Variants in KCTD12 observed in about 807,000 individuals in gnomAD.
KCTD12 encodes the protein potassium channel tetramerization domain containing 12.
In KCTD12, 16 loss-of-function variants were observed where a neutral mutation model predicts 22.6. The ratio of observed to expected loss-of-function variants is 0.71; its 90% CI spans 0.48 to 1.07. The LOEUF is 1.07. KCTD12 is among the 50% of genes least tolerant of loss of function. KCTD12 has a pLI of 0.00. For missense variants in KCTD12, 452 were observed against 469.2 expected (o/e 0.96, Z 0.34); for synonymous variants, 260 against 228.0 (o/e 1.14, Z -1.26).
In KCTD12 at chr13:76,885,734, G is replaced by A. The variant is rs1459079801; in HGVS notation, c.415C>T (p.Pro139Ser). ...TGCACCCCGCGCCGCGAGGGCGGCG[G>A]CCCCGGGCCGGGCTGCTGGGGCGCC... Reference protein sequence around the residue: ...LGAPQQPGPGPPPSRRGVHKE... With the variant: ...LGAPQQPGPGSPPSRRGVHKE... Residue 139 changes from proline to serine, a missense_variant, in exon 1 of 1, where the codon CCG (proline) becomes TCG (serine). Physicochemically the swap from Pro to Ser is moderately conservative, Grantham distance 74. Around this residue, in one of 2 missense-constraint regions of KCTD12, gnomAD observed 330 missense variants for 296.5 expected, o/e 1.11. Coordinates refer to ENST00000377474, the MANE Select transcript of KCTD12 (RefSeq NM_138444.4). This position sits in a 1 kb window ranked among gnomAD's most constrained non-coding sequence, Gnocchi z 5.1. 8 of 1,420,878 alleles carry A rather than the reference G, an allele frequency of 5.6e-6. No homozygotes were observed. The highest frequency in any genetic ancestry group is 7.3e-6 in the Non-Finnish European group (8 of 1,101,078). The allele number at this position is 1,420,878 out of a possible 1,614,324, so 88.0% of individuals were successfully genotyped here.
At position 76,885,987 on chromosome 13, in the gene KCTD12, C is replaced by G. The variant is rs371800969; in HGVS notation, c.162G>C (p.Ser54=). ...TGCGCCAGAGCAGCGAGTCGGGCAC[C>G]GACACCACCGTGCAGCGCCGGGTCA... ...VYVTRRCTVV[S]VPDSLLWRMF... The change falls in exon 1 of 1, where the codon TCG becomes TCC. Residue 54 remains serine (S), a synonymous_variant. Transcript: ENST00000377474. This position sits in a 1 kb window ranked among gnomAD's most constrained non-coding sequence, Gnocchi z 5.1. The G allele has an allele frequency of 1.2e-4, 185 of 1,590,210 alleles. No individual in the cohort carries two copies. Among genetic ancestry groups the G allele is most frequent in the Admixed American group, 1.7e-4 (10 of 58,466 alleles).
At position 76,883,698 on chromosome 13, in the gene KCTD12, T is replaced by A. The variant is rs2033228595; in HGVS notation, c.*1473A>T. On this transcript the variant is annotated 3_prime_UTR_variant, in exon 1 of 1. Transcript: ENST00000377474. Reference sequence around the variant, plus strand: ...AGCTCGTCATTTGAAAGGATTCCACTTAACTTCAAACAAACTGCATGAAAG... The same window carrying A: ...AGCTCGTCATTTGAAAGGATTCCACATAACTTCAAACAAACTGCATGAAAG... 1 of 152,650 alleles carries A rather than the reference T, an allele frequency of 6.6e-6. No homozygotes were observed. Among genetic ancestry groups the A allele is most frequent in the Non-Finnish European group, 1.5e-5 (1 of 68,042 alleles). 9.5% of individuals were successfully genotyped at this position (152,650 alleles called of 1,614,324 possible). A position where few individuals can be genotyped will look rare whatever the true frequency, so the allele number is the denominator to read the frequency against.
rs747901027 is a variant in KCTD12 at position 76,885,614 on chromosome 13, G to T, written c.535C>A (p.Leu179Met). Residue 179 changes from leucine (L) to methionine (M), a missense_variant, in exon 1 of 1, where the codon CTG (leucine) becomes ATG (methionine). Physicochemically the swap from Leu to Met is conservative, Grantham distance 15. Transcript: ENST00000377474. This position sits in a 1 kb window ranked among gnomAD's most constrained non-coding sequence, Gnocchi z 5.1. ...GACGGACTGCGGCTAGCCAGCTCCA[G>T]CGTGGGCGACGGCGCCCCGGCAGAG... Reference protein sequence around the residue: ...GASAGAPSPTLELASRSPSGG... With the variant: ...GASAGAPSPTMELASRSPSGG... 1 of 1,507,198 alleles carries T rather than the reference G, an allele frequency of 6.6e-7. No individual in the cohort carries two copies. The highest frequency in any genetic ancestry group is 8.8e-7 in the Non-Finnish European group (1 of 1,139,044). 93.4% of individuals were successfully genotyped at this position (1,507,198 alleles called of 1,614,324 possible).
At position 76,883,505 on chromosome 13, in the gene KCTD12, G is replaced by A. The variant is rs2033226741; in HGVS notation, c.*1666C>T. On this transcript the variant is annotated 3_prime_UTR_variant, in exon 1 of 1. Coordinates refer to ENST00000377474, the MANE Select transcript of KCTD12 (RefSeq NM_138444.4). ...TGCATTGGGAATTTATTCCATGTAA[G>A]AGTAAAGGCATAAGGCAACCAGGTC... 2.0e-5 allele frequency: 3 copies of A among 152,652 alleles called. No individual in the cohort carries two copies. Among genetic ancestry groups the A allele is most frequent in the Admixed American group, 2.0e-4 (3 of 15,284 alleles). 9.5% of individuals were successfully genotyped at this position (152,652 alleles called of 1,614,324 possible). A position where few individuals can be genotyped will look rare whatever the true frequency, so the allele number is the denominator to read the frequency against.
In KCTD12 at chr13:76,885,574, C is replaced by T. The variant is rs750896665; in HGVS notation, c.575G>A (p.Gly192Asp). The T allele has an allele frequency of 4.5e-6, 7 of 1,539,662 alleles. No homozygotes were observed. In the Middle Eastern group the frequency reaches 8.6e-4, roughly 189 times the overall value. The change falls in exon 1 of 1, where the codon GGC (glycine) becomes GAC (aspartate). Residue 192 changes from glycine (G) to aspartate (D), a missense_variant. Gly to Asp is a moderately conservative substitution (Grantham distance 94, BLOSUM62 -1). This residue lies in a region of KCTD12 where 330 missense variants were observed against 296.5 expected (regional missense o/e 1.11). Coordinates refer to ENST00000377474, the MANE Select transcript of KCTD12 (RefSeq NM_138444.4). This position sits in a 1 kb window ranked among gnomAD's most constrained non-coding sequence, Gnocchi z 5.1. Reference protein sequence around the residue: ...ASRSPSGGAAGPLLTPSQSLD... With the variant: ...ASRSPSGGAADPLLTPSQSLD... ...CGACTGGGACGGCGTGAGCAGCGGG[C>T]CCGCCGCGCCCCCGGACGGACTGCG...
rs988990113 is a variant in KCTD12, at chr13:76,885,918, T to G, written c.231A>C (p.Lys77Asn). The part of the protein sequence containing the change: ...QQPQELARDS[K>N]GRFFLDRDGF... ...CGTCCCGGTCCAGAAAGAAGCGGCC[T>G]TTGCTGTCCCGGGCCAGCTCCTGCG... Residue 77 changes from lysine to asparagine, a missense_variant, in exon 1 of 1, where the codon AAA becomes AAC. This residue lies in a region of KCTD12 where 330 missense variants were observed against 296.5 expected (regional missense o/e 1.11). Transcript: ENST00000377474. The surrounding 1 kb of genome is among the most constrained non-coding windows in gnomAD (Gnocchi z 5.1). 7.5e-6 allele frequency: 12 copies of G among 1,595,856 alleles called. No homozygotes were observed. The highest frequency in any genetic ancestry group is 1.0e-5 in the Non-Finnish European group (12 of 1,178,750).
chr13:76,886,098 C>CCCG lies in KCTD12; in HGVS notation c.48_50dup (p.Gly19dup), dbSNP rs770610501. 2 of 1,543,444 alleles carry CCCG rather than the reference C, an allele frequency of 1.3e-6. No homozygotes were observed. Among genetic ancestry groups the CCCG allele is most frequent in the Admixed American group, 2.0e-5 (1 of 50,532 alleles). On this transcript the variant is annotated inframe_insertion, in exon 1 of 1. Coordinates refer to ENST00000377474, the MANE Select transcript of KCTD12 (RefSeq NM_138444.4). ...AGGACGACGAGGAGCCACTGCCGCC[C>CCCG]CCGCCGCCGCCCCCGTTGGGTAATC...
At position 76,881,599 on chromosome 13, in the gene KCTD12, C is replaced by T. The variant is rs1040608017; in HGVS notation, c.*3572G>A. The T allele has an allele frequency of 2.0e-5, 3 of 152,338 alleles. No individual in the cohort carries two copies. The highest frequency in any genetic ancestry group is 1.5e-5 in the Non-Finnish European group (1 of 67,992). The allele number at this position is 152,338 out of a possible 1,614,324, so 9.4% of individuals were successfully genotyped here. On this transcript the variant is annotated 3_prime_UTR_variant, in exon 1 of 1. Transcript: ENST00000377474. ...CCCATATATACAGACATATATATGG[C>T]TCTGGTTTGAAAGAGAAGACAATTT...
chr13:76,885,893 C>G lies in KCTD12; in HGVS notation c.256G>C (p.Gly86Arg), dbSNP rs755677211. ...TCCAGGATGTAGCGGAAGAGGAAGC[C>G]GTCCCGGTCCAGAAAGAAGCGGCCT... Reference protein sequence around the residue: ...SKGRFFLDRDGFLFRYILDYL... With the variant: ...SKGRFFLDRDRFLFRYILDYL... Residue 86 changes from glycine (G) to arginine (R), a missense_variant, in exon 1 of 1, where the codon GGC becomes CGC. By Grantham distance (125) the Gly-to-Arg change is moderately radical. Around this residue, in one of 2 missense-constraint regions of KCTD12, gnomAD observed 330 missense variants for 296.5 expected, o/e 1.11. Transcript: ENST00000377474. This position sits in a 1 kb window ranked among gnomAD's most constrained non-coding sequence, Gnocchi z 5.1. 1 of 1,597,114 alleles carries G rather than the reference C, an allele frequency of 6.3e-7. No individual in the cohort carries two copies. The highest frequency in any genetic ancestry group is 1.1e-5 in the South Asian group (1 of 90,800).
At position 76,885,628 on chromosome 13, in the gene KCTD12, GC is replaced by G; in HGVS notation, c.520del (p.Ala174ArgfsTer80). 6.7e-7 allele frequency: 1 copy of G among 1,496,070 alleles called. No individual in the cohort carries two copies. Among genetic ancestry groups the G allele is most frequent in the Non-Finnish European group, 8.8e-7 (1 of 1,134,612 alleles). 92.7% of individuals were successfully genotyped at this position (1,496,070 alleles called of 1,614,324 possible). A position where few individuals can be genotyped will look rare whatever the true frequency, so the allele number is the denominator to read the frequency against. ...AGCCAGCTCCAGCGTGGGCGACGGCGCCCCGGCAGAGGCGCCCTCCTGCTGT... is the reference window on the plus strand; with the variant it reads ...AGCCAGCTCCAGCGTGGGCGACGGCGCCCGGCAGAGGCGCCCTCCTGCTGT... ...PEQQEGASAGAPSPTLELASR... is the reference protein window; with the variant it reads ...PEQQEGASAGXPSPTLELASR... On this transcript the variant is annotated frameshift_variant, in exon 1 of 1. Transcript: ENST00000377474. LOFTEE classifies it high-confidence loss of function. The surrounding 1 kb of genome is among the most constrained non-coding windows in gnomAD (Gnocchi z 5.1).
chr13:76,883,268 A>C lies in KCTD12; in HGVS notation c.*1903T>G, dbSNP rs1190316463. ...CATCTGTATGGACATAGTAAGATAC[A>C]GTACGAGATTCATTTTTAAAAACAA... On this transcript the variant is annotated 3_prime_UTR_variant, in exon 1 of 1. Transcript: ENST00000377474. The C allele has an allele frequency of 6.6e-6, 1 of 152,246 alleles. No homozygotes were observed. The highest frequency in any genetic ancestry group is 2.4e-5 in the African/African-American group (1 of 41,472). The allele number at this position is 152,246 out of a possible 1,614,324, so 9.4% of individuals were successfully genotyped here.
In KCTD12 at chr13:76,883,356, C is replaced by G. The variant is rs757371776; in HGVS notation, c.*1815G>C. On this transcript the variant is annotated 3_prime_UTR_variant, in exon 1 of 1. Coordinates refer to ENST00000377474, the MANE Select transcript of KCTD12 (RefSeq NM_138444.4). ...TTACAAAATCCTTAAAAACGTACATCAGAGAAAGATGCTGAAAACAAAACA... is the reference window on the plus strand; with the variant it reads ...TTACAAAATCCTTAAAAACGTACATGAGAGAAAGATGCTGAAAACAAAACA... The G allele has an allele frequency of 4.6e-5, 7 of 152,520 alleles. No homozygotes were observed. Among genetic ancestry groups the G allele is most frequent in the Non-Finnish European group, 5.9e-5 (4 of 68,020 alleles). The allele number at this position is 152,520 out of a possible 1,614,324, so 9.4% of individuals were successfully genotyped here.
chr13:76,885,929 G>A lies in KCTD12; in HGVS notation c.220C>T (p.Arg74Trp), dbSNP rs377318636. Residue 74 changes from arginine to tryptophan, a missense_variant, in exon 1 of 1, where the codon CGG (arginine) becomes TGG (tryptophan). Arg to Trp is a moderately radical substitution (Grantham distance 101). Coordinates refer to ENST00000377474, the MANE Select transcript of KCTD12 (RefSeq NM_138444.4). This position sits in a 1 kb window ranked among gnomAD's most constrained non-coding sequence, Gnocchi z 5.1. Reference sequence around the variant, plus strand: ...AGAAAGAAGCGGCCTTTGCTGTCCCGGGCCAGCTCCTGCGGCTGCTGCTGC... The same window carrying A: ...AGAAAGAAGCGGCCTTTGCTGTCCCAGGCCAGCTCCTGCGGCTGCTGCTGC... ...FTQQQPQELA[R>W]DSKGRFFLDR... 4 of 1,594,056 alleles carry A rather than the reference G, an allele frequency of 2.5e-6. No homozygotes were observed. Among genetic ancestry groups the A allele is most frequent in the African/African-American group, 2.7e-5 (2 of 74,682 alleles).
chr13:76,885,765 G>C lies in KCTD12; in HGVS notation c.384C>G (p.Arg128=). ...GGCCGGGCTGCTGGGGCGCCCCGAG[G>C]CGGCGCACGAGCTCTGGCAGCTCGA... ...EYFELPELVR[R]LGAPQQPGPG... The change falls in exon 1 of 1, where the codon CGC becomes CGG. Residue 128 remains arginine (R), a synonymous_variant. Coordinates refer to ENST00000377474, the MANE Select transcript of KCTD12 (RefSeq NM_138444.4). This position sits in a 1 kb window ranked among gnomAD's most constrained non-coding sequence, Gnocchi z 5.1. 6.5e-7 allele frequency: 1 copy of C among 1,532,800 alleles called. No homozygotes were observed. The highest frequency in any genetic ancestry group is 8.7e-7 in the Non-Finnish European group (1 of 1,150,898). 94.9% of individuals were successfully genotyped at this position (1,532,800 alleles called of 1,614,324 possible).
In KCTD12 at chr13:76,886,305, C is replaced by G. The variant is rs1244823160; in HGVS notation, c.-157G>C. On this transcript the variant is annotated 5_prime_UTR_variant, in exon 1 of 1. Coordinates refer to ENST00000377474, the MANE Select transcript of KCTD12 (RefSeq NM_138444.4). ...CCGCCGCCACCGCCACCGCCGCCACCTCCTAGAGCCGCGCGGAGCCGAGCG... is the reference window on the plus strand; with the variant it reads ...CCGCCGCCACCGCCACCGCCGCCACGTCCTAGAGCCGCGCGGAGCCGAGCG... 1.1e-6 allele frequency: 1 copy of G among 872,226 alleles called. No individual in the cohort carries two copies. The highest frequency in any genetic ancestry group is 1.5e-6 in the Non-Finnish European group (1 of 657,138). 54.0% of individuals were successfully genotyped at this position (872,226 alleles called of 1,614,324 possible).
Position 76,880,745 on chromosome 13 carries a change from T to C in KCTD12, c.*4426A>G, listed in dbSNP as rs934499562. On this transcript the variant is annotated 3_prime_UTR_variant, in exon 1 of 1. Transcript: ENST00000377474. ...TAGCAAAATTTACCTGCCTATAAAG[T>C]CGCAAAAACAGTTGTATAATAGTTT... The C allele has an allele frequency of 3.9e-5, 6 of 152,580 alleles. No individual in the cohort carries two copies. Among genetic ancestry groups the C allele is most frequent in the Non-Finnish European group, 7.4e-5 (5 of 67,994 alleles). 9.5% of individuals were successfully genotyped at this position (152,580 alleles called of 1,614,324 possible).
In KCTD12 at chr13:76,885,928, CG is replaced by C; in HGVS notation, c.220del (p.Arg74GlyfsTer180). On this transcript the variant is annotated frameshift_variant, in exon 1 of 1. Transcript: ENST00000377474. LOFTEE classifies it high-confidence loss of function. This position sits in a 1 kb window ranked among gnomAD's most constrained non-coding sequence, Gnocchi z 5.1. Reference sequence around the variant, plus strand: ...CAGAAAGAAGCGGCCTTTGCTGTCCCGGGCCAGCTCCTGCGGCTGCTGCTGC... The same window carrying C: ...CAGAAAGAAGCGGCCTTTGCTGTCCCGGCCAGCTCCTGCGGCTGCTGCTGC... The part of the protein sequence containing the change: ...FTQQQPQELA[R>X]DSKGRFFLDR... 2 of 1,594,348 alleles carry C rather than the reference CG, an allele frequency of 1.3e-6. No individual in the cohort carries two copies. Among genetic ancestry groups the C allele is most frequent in the Non-Finnish European group, 1.7e-6 (2 of 1,177,982 alleles).
At position 76,885,192 on chromosome 13, in the gene KCTD12, C is replaced by T. The variant is rs775473765; in HGVS notation, c.957G>A (p.Glu319=). ...GAGCTCACTCCCTGCAGAAGACGTA[C>T]TCGGTGTAGCTGGTCCAGATCTTGT... ...SEDKIWTSYT[E]YVFCRE Residue 319 remains glutamate (E), a synonymous_variant, in exon 1 of 1, where the codon GAG becomes GAA. Transcript: ENST00000377474. This position sits in a 1 kb window ranked among gnomAD's most constrained non-coding sequence, Gnocchi z 5.1. The T allele has an allele frequency of 3.1e-6, 5 of 1,613,470 alleles. No homozygotes were observed. Among genetic ancestry groups the T allele is most frequent in the Non-Finnish European group, 4.2e-6 (5 of 1,179,586 alleles).
Position 76,885,231 on chromosome 13 carries a change from G to C in KCTD12, c.918C>G (p.Thr306=). The change falls in exon 1 of 1, where the codon ACC becomes ACG. Residue 306 remains threonine (T), a synonymous_variant. Transcript: ENST00000377474. The surrounding 1 kb of genome is among the most constrained non-coding windows in gnomAD (Gnocchi z 5.1). ...TCCAGATCTTGTCCTCGCTCTGGTC[G>C]GTGCTGCTGGCAAAGGCGCAGGTGC... The part of the protein sequence containing the change: ...STGTCAFASS[T]DQSEDKIWTS... 6.2e-7 allele frequency: 1 copy of C among 1,614,058 alleles called. No individual in the cohort carries two copies. Among genetic ancestry groups the C allele is most frequent in the Non-Finnish European group, 8.5e-7 (1 of 1,180,010 alleles).
Sources: gnomAD v4.1 joint callset for allele counts on GRCh38, gnomAD v4.1.1 for gene constraint, gnomAD v4.1.1 regional missense constraint, Gnocchi (gnomAD v3.1) non-coding constraint, MANE v1.5 for transcripts, NCBI Gene and HGNC (gene_info 2026-07-23, HGNC 2026-07-21) for gene names.